AP1G1: variants seen among roughly 807,000 people sequenced by gnomAD.
The protein encoded by AP1G1 is adaptor related protein complex 1 subunit gamma 1.
A neutral mutation model predicts 108.3 loss-of-function variants in AP1G1; 7 were observed. That is an observed-to-expected ratio of 0.06 (90% CI 0.04 to 0.12). The LOEUF (loss-of-function observed/expected upper bound fraction) is 0.12, where lower values mean the gene tolerates loss of function less well. Ranked by LOEUF, AP1G1 falls within the 10% of genes least tolerant of loss-of-function variation. The pLI is 1.00. For synonymous variants in AP1G1, 379 were observed against 353.5 expected (o/e 1.07, Z -0.81); for missense variants, 756 against 1,010.7 (o/e 0.75, Z 3.42).
chr16:71,729,156 T>A lies in AP1G1; in HGVS notation c.*3902A>T, dbSNP rs561082669. 2.3e-3 allele frequency: 271 copies of A among 117,836 alleles called. 1 individual carries two copies. The highest frequency in any genetic ancestry group is 3.5e-3 in the Non-Finnish European group (183 of 51,678). The allele number at this position is 117,836 out of a possible 1,614,324, so 7.3% of individuals were successfully genotyped here. A position where few individuals can be genotyped will look rare whatever the true frequency, so the allele number is the denominator to read the frequency against. On this transcript the variant is annotated 3_prime_UTR_variant, in exon 23 of 23. Coordinates refer to ENST00000299980, the MANE Select transcript of AP1G1 (RefSeq NM_001128.6). The stretch of plus-strand genomic sequence containing the variant: ...GCCTCTAAGACTTATCATTTAACTT[T>A]AAATTTTTTTTTTTACATCTCAAAA...
At chr16:71,778,601 T>C (rs2145500304) in intron 2 of AP1G1, among the ~76,000 whole-genome samples, 1 of 151,228 alleles carries the variant, frequency 6.6e-6, no homozygotes, top group African/African-American at 2.4e-5. Context: ...GAGAATCACT[T>C]GAAAGCAGGA....
chr16:71,775,569 G>A (rs1437425314), intron 2 of AP1G1, among the ~76,000 whole-genome samples: 1 of 151,970 alleles, frequency 6.6e-6, no homozygotes, highest in Non-Finnish European at 1.5e-5. Context: ...CACCTAACGT[G>A]TACTTAAGGT....
intron 15 of AP1G1, among the ~76,000 whole-genome samples, chr16:71,748,938 G>A (rs1356050334): frequency 6.6e-6 from 1 of 151,856 alleles, no homozygotes; most frequent in African/African-American, 2.4e-5. Context: ...ACGGAGTCTG[G>A]CTCTGTCACC....
rs756358376 is a variant in AP1G1 at position 71,749,878 on chromosome 16, G to A, written c.1497+16C>T. The A allele has an allele frequency of 1.3e-6, 2 of 1,573,790 alleles. No homozygotes were observed. Among genetic ancestry groups the A allele is most frequent in the Non-Finnish European group, 1.7e-6 (2 of 1,144,060 alleles). The stretch of plus-strand genomic sequence containing the variant: ...CCACTATTTTCCCCCACTTAACCAA[G>A]AGTGACAAGGAGTACCTGAATAGGC... On this transcript the variant is annotated intron_variant, in intron 15 of 22. Transcript: ENST00000299980.
At chr16:71,802,682 A>G (rs1428304343) in intron 1 of AP1G1, among the ~76,000 whole-genome samples, 1 of 151,868 alleles carries the variant, frequency 6.6e-6, no homozygotes, top group Non-Finnish European at 1.5e-5. Flanking sequence ...GTGAGCCGAG[A>G]TCGCACCACT....
chr16:71,763,045 A>G (rs1012267954), intron 9 of AP1G1, among the ~76,000 whole-genome samples: 4 of 152,166 alleles, frequency 2.6e-5, no homozygotes, highest in Non-Finnish European at 5.9e-5. Context: ...TGCTTGATGT[A>G]TAGGGAAATA....
intron 13 of AP1G1, among the ~76,000 whole-genome samples, chr16:71,752,141 T>C (rs752485092): frequency 6.6e-6 from 1 of 152,002 alleles, no homozygotes; most frequent in Non-Finnish European, 1.5e-5. Flanking sequence ...AATCACATGA[T>C]CATAAGAGAA....
chr16:71,748,486 A>G, intron 15 of AP1G1, 108 bp from the exon 16 acceptor site: 1 of 1,279,862 alleles, frequency 7.8e-7, no homozygotes, highest in Non-Finnish European at 1.1e-6. Context: ...TCCTACCGTT[A>G]CAAAAGCCTC....
intron 2 of AP1G1, among the ~76,000 whole-genome samples, chr16:71,776,668 T>G (rs1162909288): frequency 6.6e-6 from 1 of 152,200 alleles, no homozygotes; most frequent in African/African-American, 2.4e-5. Context: ...TCTGACAAAC[T>G]CCAAGCATTA....
At chr16:71,798,069 C>A (rs1015729814) in intron 1 of AP1G1, among the ~76,000 whole-genome samples, 1 of 152,082 alleles carries the variant, frequency 6.6e-6, no homozygotes, top group Non-Finnish European at 1.5e-5. Context: ...AAAAAAACTA[C>A]GAAATCTATA....
chr16:71,736,117 A>AATATAT (rs1306238313), intron 21 of AP1G1, among the ~76,000 whole-genome samples: 30 of 71,602 alleles, frequency 4.2e-4, no homozygotes, highest in African/African-American at 1.6e-3. Context: ...AAAAAAAAAA[A>AATATAT]ATATATATAT....
intron 4 of AP1G1, among the ~76,000 whole-genome samples, chr16:71,772,180 G>C (rs924838807): frequency 2.0e-5 from 3 of 150,810 alleles, no homozygotes; most frequent in African/African-American, 7.3e-5. Context: ...GCCCAGGCTA[G>C]AGTACAATGG....
intron 19 of AP1G1, among the ~76,000 whole-genome samples, chr16:71,739,746 C>CAAA (rs751174235): frequency 1.9e-5 from 1 of 51,880 alleles, no homozygotes; most frequent in East Asian, 4.9e-4. Context: ...GACTCTGTCG[C>CAAA]AAAAAAAAAA....
chr16:71,761,685 A>AT, intron 9 of AP1G1, 118 bp from the exon 10 acceptor site: 3 of 749,518 alleles, frequency 4.0e-6, no homozygotes, highest in Non-Finnish European at 6.6e-6. Flanking sequence ...AAAAAAAAAA[A>AT]GGAGCTGGGT....
At position 71,754,791 on chromosome 16, in the gene AP1G1, C is replaced by T. The variant is rs530633211; in HGVS notation, c.1230-904G>A. ...CTCCAGCCTGGGTGACAGAGCAAGACTCCGTTTCTAAAATTAAAGAAAAAA... is the reference window on the plus strand; with the variant it reads ...CTCCAGCCTGGGTGACAGAGCAAGATTCCGTTTCTAAAATTAAAGAAAAAA... On this transcript the variant is annotated intron_variant, in intron 12 of 22. Coordinates refer to ENST00000299980, the MANE Select transcript of AP1G1 (RefSeq NM_001128.6). Among the ~76,000 whole-genome samples, 181 of 151,314 alleles carry T rather than the reference C, an allele frequency of 1.2e-3. 1 individual carries two copies. The highest frequency in any genetic ancestry group is 2.0e-3 in the Non-Finnish European group (135 of 67,916).
chr16:71,738,321 A>C (rs757891311), intron 21 of AP1G1, among the ~76,000 whole-genome samples: 1 of 151,944 alleles, frequency 6.6e-6, no homozygotes, highest in Non-Finnish European at 1.5e-5. Flanking sequence ...AGCCTCCCAA[A>C]GTACTGGGAT....
chr16:71,790,268 C>T (rs9925069), intron 1 of AP1G1, among the ~76,000 whole-genome samples: 51,991 of 151,936 alleles, frequency 0.34, 9,709 homozygotes, highest in East Asian at 0.76. Flanking sequence ...AGGCCAGGCA[C>T]GGTGGCTCAC....
intron 1 of AP1G1, among the ~76,000 whole-genome samples, chr16:71,799,214 T>C (rs2142276563): frequency 6.6e-6 from 1 of 152,264 alleles, no homozygotes; most frequent in African/African-American, 2.4e-5. Flanking sequence ...GGATGAAAAT[T>C]ATGATAACCT....
At chr16:71,797,811 T>G (rs536523239) in intron 1 of AP1G1, among the ~76,000 whole-genome samples, 2 of 151,906 alleles carry the variant, frequency 1.3e-5, no homozygotes, top group Admixed American at 1.3e-4. Flanking sequence ...AAAAAAAAAG[T>G]TACTTAATAC....
Sources: gnomAD v4.1 joint callset for allele counts (sites outside exome capture counted in the v4.1 genomes callset) on GRCh38, gnomAD v4.1.1 for gene constraint, MANE v1.5 for transcripts, NCBI Gene and HGNC (gene_info 2026-07-23, HGNC 2026-07-21) for gene names.